Variants in SLA2 observed in about 807,000 individuals in gnomAD.
SLA2 encodes src-like-adapter 2.
In SLA2, 22 loss-of-function variants were observed where a neutral mutation model predicts 27.3. The ratio of observed to expected loss-of-function variants is 0.81; its 90% CI spans 0.58 to 1.15. SLA2 has a LOEUF of 1.15. Among genes scored for constraint, SLA2 ranks in the 50% most tolerant of loss-of-function variants. SLA2 has a pLI of 0.00. For synonymous variants in SLA2, 131 were observed against 137.8 expected (o/e 0.95, Z 0.34); for missense variants, 304 against 322.2 (o/e 0.94, Z 0.43).
intron 5 of SLA2, among the ~76,000 whole-genome samples, chr20:36,618,552 T>C (rs2039241618): frequency 6.6e-6 from 1 of 151,786 alleles, no homozygotes; most frequent in Admixed American, 6.6e-5. Flanking sequence ...TTTAAAAGGA[T>C]TGAAATCATT....
rs375790624 is a variant in SLA2 at position 36,642,592 on chromosome 20, T to A, written c.-43-1214A>T. Among the ~76,000 whole-genome samples, 10 of 151,900 alleles carry A rather than the reference T, an allele frequency of 6.6e-5. 1 individual carries two copies. In the East Asian group the frequency reaches 1.4e-3, roughly 21 times the overall value. On this transcript the variant is annotated intron_variant, in intron 1 of 7. Coordinates refer to ENST00000262866, the MANE Select transcript of SLA2 (RefSeq NM_032214.4). The stretch of plus-strand genomic sequence containing the variant: ...CCTCTTTGCAAATTTTGTTTTGTTT[T>A]GTTTTTTTAATACAGAGAGTTTCAC...
At chr20:36,635,219 G>A (rs146999480) in intron 2 of SLA2, among the ~76,000 whole-genome samples, 49 of 151,930 alleles carry the variant, frequency 3.2e-4, no homozygotes, top group African/African-American at 1.1e-3. Context: ...TGAAAATCCA[G>A]GTTTCAGCAG....
chr20:36,636,326 C>T (rs539238587), intron 2 of SLA2, among the ~76,000 whole-genome samples: 1 of 147,654 alleles, frequency 6.8e-6, no homozygotes, highest in Non-Finnish European at 1.5e-5. Context: ...GAGGCTGAGG[C>T]AGGAGAATGG....
intron 2 of SLA2, among the ~76,000 whole-genome samples, chr20:36,637,974 C>T (rs1435956846): frequency 6.7e-6 from 1 of 149,920 alleles, no homozygotes; most frequent in African/African-American, 2.5e-5. Flanking sequence ...CTGCAACCTC[C>T]ACCTCCTCCT....
At chr20:36,615,583 C>T (rs2039200416) in intron 5 of SLA2, among the ~76,000 whole-genome samples, 1 of 152,144 alleles carries the variant, frequency 6.6e-6, no homozygotes, top group Non-Finnish European at 1.5e-5. Context: ...TCAAATCACA[C>T]ACAGAGCCCT....
intron 2 of SLA2, among the ~76,000 whole-genome samples, chr20:36,638,771 T>C (rs2039478168): frequency 6.6e-6 from 1 of 152,278 alleles, no homozygotes; most frequent in South Asian, 2.1e-4. Flanking sequence ...GTTAATTTTA[T>C]GTGTCATTGT....
rs770023882 is a variant in SLA2, at chr20:36,634,613, C to T, written c.92-24G>A. 4 of 1,510,202 alleles carry T rather than the reference C, an allele frequency of 2.6e-6. No homozygotes were observed. In the Admixed American group the frequency reaches 5.3e-5, roughly 20 times the overall value. The allele number at this position is 1,510,202 out of a possible 1,614,324, so 93.6% of individuals were successfully genotyped here. Reference sequence around the variant, plus strand: ...CTCTAGATGGAGGGACAGAAATAGTCACCTACTTAGCTAGCCCTGCTCCAC... The same window carrying T: ...CTCTAGATGGAGGGACAGAAATAGTTACCTACTTAGCTAGCCCTGCTCCAC... On this transcript the variant is annotated intron_variant, in intron 2 of 7. Coordinates refer to ENST00000262866, the MANE Select transcript of SLA2 (RefSeq NM_032214.4).
chr20:36,619,169 T>G (rs755339709), intron 5 of SLA2, among the ~76,000 whole-genome samples: 13 of 134,522 alleles, frequency 9.7e-5, no homozygotes, highest in Non-Finnish European at 2.0e-4. Context: ...TGCAGTAAGC[T>G]GAGATCACGC....
At chr20:36,621,453 T>G (rs6065130) in intron 5 of SLA2, 281,088 of 425,876 alleles carry the variant, frequency 0.66, 98,441 homozygotes, top group Non-Finnish European at 0.76. Context: ...TAGTGTTGTT[T>G]TTTTTTTGAG....
intron 2 of SLA2, among the ~76,000 whole-genome samples, chr20:36,639,345 C>T (rs2039483430): frequency 6.6e-6 from 1 of 151,988 alleles, no homozygotes; most frequent in South Asian, 2.1e-4. Flanking sequence ...CTGCAGATTT[C>T]AGACTTACAG....
rs188370908 is a variant in SLA2, at chr20:36,614,929, G to A, written c.532+296C>T. On this transcript the variant is annotated intron_variant, in intron 6 of 7. Transcript: ENST00000262866. Reference sequence around the variant, plus strand: ...CCCACACAGCAGCAGCTCTGTGCCCGGTTCCTGTGGAGAGAACTCTGCCTG... The same window carrying A: ...CCCACACAGCAGCAGCTCTGTGCCCAGTTCCTGTGGAGAGAACTCTGCCTG... 1.5e-5 allele frequency: 15 copies of A among 985,362 alleles called. No individual in the cohort carries two copies. In the Admixed American group the frequency reaches 1.8e-4, roughly 12 times the overall value. 61.0% of individuals were successfully genotyped at this position (985,362 alleles called of 1,614,324 possible). A position where few individuals can be genotyped will look rare whatever the true frequency, so the allele number is the denominator to read the frequency against.
chr20:36,625,095 A>T (rs1011638103), intron 5 of SLA2, among the ~76,000 whole-genome samples: 1 of 152,096 alleles, frequency 6.6e-6, no homozygotes, highest in African/African-American at 2.4e-5. Flanking sequence ...CAGGTATGAA[A>T]TCATCACACT....
intron 7 of SLA2, 127 bp downstream of exon 7, chr20:36,614,178 T>C: frequency 2.6e-6 from 4 of 1,522,054 alleles, no homozygotes; most frequent in South Asian, 1.2e-5. Context: ...GTTGAGTCAG[T>C]GCACTCTGGC....
At chr20:36,622,101 C>G (rs2039289214) in intron 5 of SLA2, among the ~76,000 whole-genome samples, 1 of 151,828 alleles carries the variant, frequency 6.6e-6, no homozygotes, top group South Asian at 2.1e-4. Flanking sequence ...AGGTGGATCA[C>G]CTGAGGCCAG....
In SLA2 at chr20:36,614,430, C is replaced by T. The variant is rs772389437; in HGVS notation, c.540G>A (p.Ala180=). 26 of 1,607,506 alleles carry T rather than the reference C, an allele frequency of 1.6e-5. No homozygotes were observed. Among genetic ancestry groups the T allele is most frequent in the Admixed American group, 6.8e-5 (4 of 59,116 alleles). ...QALVDHYSEL[A]DDICCLLKEP... ...CCTTGAGTAGGCAGCAGATGTCATC[C>T]GCCAGCTCTGAGGAAGAGACCTCCA... The change falls in exon 7 of 8, where the codon GCG becomes GCA. Residue 180 remains alanine, a synonymous_variant. Transcript: ENST00000262866.
In SLA2 at chr20:36,628,291, C is replaced by A. The variant is rs2039359378; in HGVS notation, c.382+4304G>T. Among the ~76,000 whole-genome samples, 3 of 152,226 alleles carry A rather than the reference C, an allele frequency of 2.0e-5. No homozygotes were observed. In the South Asian group the frequency reaches 6.2e-4, roughly 32 times the overall value. On this transcript the variant is annotated intron_variant, in intron 5 of 7. Coordinates refer to ENST00000262866, the MANE Select transcript of SLA2 (RefSeq NM_032214.4). ...TCAAACCACAGTATAAAAGTTTACA[C>A]TGTGACGCAGGACACACCTTATACA... is the stretch of plus-strand genomic sequence containing the variant.
chr20:36,636,952 C>A (rs1414900886), intron 2 of SLA2, among the ~76,000 whole-genome samples: 1 of 151,448 alleles, frequency 6.6e-6, no homozygotes, highest in Admixed American at 6.6e-5. Flanking sequence ...TTCCGTCCCC[C>A]ACCCCCCCCA....
At position 36,633,611 on chromosome 20, in the gene SLA2, C is replaced by G. The variant is rs754323095; in HGVS notation, c.210G>C (p.Thr70=). The G allele has an allele frequency of 6.2e-7, 1 of 1,613,864 alleles. No individual in the cohort carries two copies. ...TIVSEDGDWW[T]VLSEVSGREY... ...CTCTGCCTGAGACTTCAGACAGCAC[C>G]GTCCACCAGTCTCCATCCCTGGAGA... Residue 70 remains threonine (T), a synonymous_variant, in exon 4 of 8, where the codon ACG becomes ACC. Transcript: ENST00000262866.
chr20:36,613,757 T>C lies in SLA2; in HGVS notation c.*109A>G. 2.1e-6 allele frequency: 1 copy of C among 471,824 alleles called. No individual in the cohort carries two copies. The highest frequency in any genetic ancestry group is 4.1e-6 in the Non-Finnish European group (1 of 246,220). 29.2% of individuals were successfully genotyped at this position (471,824 alleles called of 1,614,324 possible). A position where few individuals can be genotyped will look rare whatever the true frequency, so the allele number is the denominator to read the frequency against. On this transcript the variant is annotated 3_prime_UTR_variant, in exon 8 of 8. Coordinates refer to ENST00000262866, the MANE Select transcript of SLA2 (RefSeq NM_032214.4). ...GTGGGACCCTAGATGCACCTCTGTG[T>C]CCCACCCTCCCTCCCTGAGTGCACA...
Sources: allele counts gnomAD v4.1 joint callset (sites outside exome capture counted in the v4.1 genomes callset), GRCh38; gene constraint gnomAD v4.1.1; transcripts MANE v1.5; gene names NCBI Gene and HGNC (gene_info 2026-07-23, HGNC 2026-07-21).